FAM114A1: variants seen among roughly 807,000 people sequenced by gnomAD.
The protein encoded by FAM114A1 is family with sequence similarity 114 member A1.
A neutral mutation model predicts 64.3 loss-of-function variants in FAM114A1; 62 were observed. The observed-to-expected ratio is 0.96, with a 90% CI of 0.79 to 1.19. The LOEUF is 1.19. Among genes scored for constraint, FAM114A1 ranks in the 50% most tolerant of loss-of-function variants. FAM114A1 has a pLI of 0.00. For missense variants in FAM114A1, 645 were observed against 676.3 expected (o/e 0.95, Z 0.51); for synonymous variants, 254 against 251.1 (o/e 1.01, Z -0.11).
intron 2 of FAM114A1, among the ~76,000 whole-genome samples, chr4:38,869,129 G>A (rs1408465155): frequency 2.0e-5 from 3 of 152,260 alleles, no homozygotes; most frequent in Admixed American, 1.3e-4. Context: ...AAATATCTGA[G>A]GGACAGAAAC....
intron 14 of FAM114A1, 45 bp downstream of exon 14, chr4:38,941,066 G>A (rs1481390977): frequency 7.2e-7 from 1 of 1,386,868 alleles, no homozygotes. Context: ...CAAAGTAAAT[G>A]TTAGAACTAC....
chr4:38,906,869 C>G (rs1246402266), intron 6 of FAM114A1, among the ~76,000 whole-genome samples: 1 of 152,122 alleles, frequency 6.6e-6, no homozygotes, highest in African/African-American at 2.4e-5. Context: ...AAATATGGCT[C>G]GTGTCTCATT....
chr4:38,923,650 G>T (rs1277851632), intron 9 of FAM114A1, among the ~76,000 whole-genome samples: 4 of 152,126 alleles, frequency 2.6e-5, no homozygotes, highest in African/African-American at 9.7e-5. Context: ...AGGTGTAAGA[G>T]TTCGGGTATA....
chr4:38,923,324 A>C (rs966715488), intron 9 of FAM114A1, among the ~76,000 whole-genome samples: 1 of 150,766 alleles, frequency 6.6e-6, no homozygotes. Context: ...CCCGGGTTCA[A>C]GTGATTCTCC....
intron 8 of FAM114A1, 32 bp from the exon 9 acceptor site, chr4:38,922,738 T>G: frequency 6.3e-7 from 1 of 1,590,480 alleles, no homozygotes; most frequent in Non-Finnish European, 8.5e-7. Context: ...GAAGAAAAGA[T>G]GACAGTCGTG....
chr4:38,920,939 G>C (rs898839400), intron 8 of FAM114A1, among the ~76,000 whole-genome samples: 1 of 152,202 alleles, frequency 6.6e-6, no homozygotes, highest in African/African-American at 2.4e-5. Context: ...TCCTCCCAGA[G>C]CCTCAGTGCT....
intron 8 of FAM114A1, among the ~76,000 whole-genome samples, chr4:38,916,473 A>C (rs373555442): frequency 1.3e-5 from 2 of 152,248 alleles, no homozygotes; most frequent in African/African-American, 4.8e-5. Flanking sequence ...GTGGAATACT[A>C]TGCAGCCATA....
At chr4:38,916,318 C>T (rs1300322150) in intron 8 of FAM114A1, among the ~76,000 whole-genome samples, 3 of 152,152 alleles carry the variant, frequency 2.0e-5, no homozygotes, top group Non-Finnish European at 2.9e-5. Context: ...TTGGGACTCT[C>T]ATACAGATAC....
chr4:38,917,990 G>A (rs111269231), intron 8 of FAM114A1, among the ~76,000 whole-genome samples: 96 of 152,178 alleles, frequency 6.3e-4, no homozygotes, highest in African/African-American at 2.2e-3. Context: ...GCTGAGACAG[G>A]CGGATCACCT....
chr4:38,880,057 ACT>A (rs1715053401), intron 3 of FAM114A1, among the ~76,000 whole-genome samples: 1 of 151,156 alleles, frequency 6.6e-6, no homozygotes, highest in African/African-American at 2.4e-5. Context: ...TGACAGTGAA[ACT>A]CTGTCTCAAA....
In FAM114A1 at chr4:38,905,615, C is replaced by G. The variant is rs146872442; in HGVS notation, c.530C>G (p.Thr177Ser). 1.0e-4 allele frequency: 168 copies of G among 1,614,140 alleles called. No homozygotes were observed. The East Asian group carries it at 2.1e-3, about 20-fold the overall frequency. ...TCTTCTGAAGGAGCCCAACCAAATA[C>G]TGAAAACGGAGTCCCTGAAAGTGAG... ...SGSSEGAQPNTENGVPEITDA... is the reference protein window; with the variant it reads ...SGSSEGAQPNSENGVPEITDA... Residue 177 changes from threonine to serine, a missense_variant, in exon 5 of 15, where the codon ACT (threonine) becomes AGT (serine). Thr to Ser is a moderately conservative substitution (Grantham distance 58). Transcript: ENST00000358869.
chr4:38,916,401 T>G (rs192759061), intron 8 of FAM114A1, among the ~76,000 whole-genome samples: 6 of 152,164 alleles, frequency 3.9e-5, no homozygotes, highest in African/African-American at 1.4e-4. Context: ...TTATAAATGA[T>G]TCAAAGGAAA....
intron 2 of FAM114A1, among the ~76,000 whole-genome samples, chr4:38,875,805 G>A (rs1714555493): frequency 1.3e-5 from 2 of 152,100 alleles, no homozygotes; most frequent in Admixed American, 1.3e-4. Context: ...GTCATAAAAG[G>A]CTCTTATTAC....
intron 8 of FAM114A1, among the ~76,000 whole-genome samples, chr4:38,921,199 G>A (rs1319764334): frequency 6.6e-6 from 1 of 152,184 alleles, no homozygotes; most frequent in Non-Finnish European, 1.5e-5. Flanking sequence ...TTTATAAGGT[G>A]CCTTCCCTGT....
intron 2 of FAM114A1, among the ~76,000 whole-genome samples, chr4:38,870,768 AAC>A (rs1713972935): frequency 1.3e-5 from 2 of 152,320 alleles, no homozygotes; most frequent in Non-Finnish European, 2.9e-5. Flanking sequence ...CGTCCCAGGA[AAC>A]ACAGTGCTTG....
At chr4:38,914,862 C>A in intron 7 of FAM114A1, 59 bp from the exon 8 acceptor site, 2 of 1,571,740 alleles carry the variant, frequency 1.3e-6, no homozygotes, top group Non-Finnish European at 8.7e-7. Context: ...CCATGTCTTA[C>A]ACAGGAAACG....
intron 2 of FAM114A1, among the ~76,000 whole-genome samples, chr4:38,873,439 A>G (rs1172629834): frequency 6.6e-6 from 1 of 152,216 alleles, no homozygotes; most frequent in Non-Finnish European, 1.5e-5. Flanking sequence ...CCTACTATGC[A>G]CAGGAAGCCA....
intron 2 of FAM114A1, among the ~76,000 whole-genome samples, chr4:38,874,644 T>C (rs1211459875): frequency 6.6e-6 from 1 of 152,236 alleles, no homozygotes; most frequent in Non-Finnish European, 1.5e-5. Flanking sequence ...TAGTTTCTTT[T>C]GCTGTGTAGA....
Position 38,872,048 on chromosome 4 carries a change from A to T in FAM114A1, c.-9+3502A>T, listed in dbSNP as rs528065491. Among the ~76,000 whole-genome samples, 61 of 152,328 alleles carry T rather than the reference A, an allele frequency of 4.0e-4. No homozygotes were observed. In the South Asian group the frequency reaches 8.9e-3, roughly 22 times the overall value. On this transcript the variant is annotated intron_variant, in intron 2 of 14. Transcript: ENST00000358869. ...GGCACCTGTACGTTATTTCTTGTCG[A>T]TCCACATACCTGAGGCATCTTTCAT... is the stretch of plus-strand genomic sequence containing the variant.
Sources: gnomAD v4.1 joint callset for allele counts (sites outside exome capture counted in the v4.1 genomes callset) on GRCh38, gnomAD v4.1.1 for gene constraint, MANE v1.5 for transcripts, NCBI Gene and HGNC (gene_info 2026-07-23, HGNC 2026-07-21) for gene names.